Variants in PXDN observed in about 807,000 individuals in gnomAD.
PXDN encodes peroxidasin, also known as peroxidasin homolog.
In PXDN, 77 loss-of-function variants were observed where a neutral mutation model predicts 140.3. That is an observed-to-expected ratio of 0.55 (90% CI 0.46 to 0.66). PXDN has a LOEUF of 0.66. Among genes scored for constraint, PXDN ranks in the 30% least tolerant of loss-of-function variants. The pLI is 0.00. For missense variants in PXDN, 1,838 were observed against 2,039.5 expected (o/e 0.90, Z 1.90); for synonymous variants, 911 against 857.4 (o/e 1.06, Z -1.09).
chr2:1,642,337 C>T (rs1371531948), intron 19 of PXDN, among the ~76,000 whole-genome samples: 3 of 152,196 alleles, frequency 2.0e-5, no homozygotes, highest in African/African-American at 7.2e-5. Context: ...GATTTCAACG[C>T]TTACTAAATT....
Position 1,639,248 on chromosome 2 carries a change from GC to G in PXDN, c.4073+53del, listed in dbSNP as rs1682654479. ...CAGGATGCCGGTCCTACTGCCCGACGCCCGCGGTGCGAGGGCCCCTCTGCAC... is the reference window on the plus strand; with the variant it reads ...CAGGATGCCGGTCCTACTGCCCGACGCCGCGGTGCGAGGGCCCCTCTGCAC... On this transcript the variant is annotated intron_variant, in intron 20 of 22. Transcript: ENST00000252804. The surrounding 1 kb of genome is among the most constrained non-coding windows in gnomAD (Gnocchi z 5.0). 4 of 1,572,596 alleles carry G rather than the reference GC, an allele frequency of 2.5e-6. No individual in the cohort carries two copies. The highest frequency in any genetic ancestry group is 3.5e-6 in the Non-Finnish European group (4 of 1,158,676).
intron 1 of PXDN, 91 bp from the exon 2 acceptor site, chr2:1,693,225 A>C: frequency 9.3e-7 from 1 of 1,077,152 alleles, no homozygotes. Context: ...AATGGTGACA[A>C]TGCATTTAAA....
chr2:1,669,647 C>T (rs1026131944), intron 9 of PXDN: 2 of 152,098 alleles, frequency 1.3e-5, no homozygotes, highest in African/African-American at 4.8e-5. Flanking sequence ...CGAGACCAGC[C>T]TGGCCAACAT....
At chr2:1,720,799 A>G (rs572694468) in intron 1 of PXDN, among the ~76,000 whole-genome samples, 58 of 151,780 alleles carry the variant, frequency 3.8e-4, no homozygotes, top group Non-Finnish European at 6.8e-4. Context: ...ACCCTGACCA[A>G]CCCAGTGTTC....
chr2:1,668,013 A>C (rs1683486526), intron 9 of PXDN, among the ~76,000 whole-genome samples: 1 of 152,362 alleles, frequency 6.6e-6, no homozygotes, highest in East Asian at 1.9e-4. Context: ...AAGCAAAAAG[A>C]ACAAAGCCGG....
At chr2:1,707,410 A>T (rs150265960) in intron 1 of PXDN, among the ~76,000 whole-genome samples, 1,248 of 121,980 alleles carry the variant, frequency 0.01, 20 homozygotes, top group African/African-American at 0.032. Flanking sequence ...CCCCACTAAT[A>T]ATACAAACTG....
chr2:1,715,237 G>A (rs1684867762), intron 1 of PXDN, among the ~76,000 whole-genome samples: 1 of 152,276 alleles, frequency 6.6e-6, no homozygotes, highest in South Asian at 2.1e-4. Context: ...CAAGGACAGT[G>A]GGGTCATGAG....
intron 1 of PXDN, among the ~76,000 whole-genome samples, chr2:1,713,179 C>T (rs962353866): frequency 1.3e-5 from 2 of 152,216 alleles, no homozygotes; most frequent in African/African-American, 4.8e-5. Flanking sequence ...CACCCTCCCA[C>T]CTCTCTCGCG....
chr2:1,699,003 T>C (rs1454701846), intron 1 of PXDN, among the ~76,000 whole-genome samples: 1 of 152,148 alleles, frequency 6.6e-6, no homozygotes, highest in African/African-American at 2.4e-5. Context: ...TCTCAAATCT[T>C]AATGTACTAA....
intron 18 of PXDN, 132 bp from the exon 19 acceptor site, chr2:1,643,708 A>T: frequency 1.2e-6 from 1 of 865,080 alleles, no homozygotes; most frequent in Non-Finnish European, 1.8e-6. Flanking sequence ...GGTGTCACTT[A>T]AAAATGGACT....
intron 1 of PXDN, among the ~76,000 whole-genome samples, chr2:1,705,358 G>A (rs1456948093): frequency 2.6e-5 from 4 of 152,152 alleles, no homozygotes; most frequent in African/African-American, 9.7e-5. Flanking sequence ...GATGCAGGGT[G>A]CGGCTCCCCA....
At chr2:1,677,636 C>T (rs544581453) in intron 7 of PXDN, among the ~76,000 whole-genome samples, 19 of 151,276 alleles carry the variant, frequency 1.3e-4, no homozygotes, top group Admixed American at 1.0e-3. Flanking sequence ...CGAGGGCTGA[C>T]GGCTCCCAGG....
rs1558520620 is a variant in PXDN at position 1,710,641 on chromosome 2, TATGAACA to T, written c.201-17514_201-17508del. ...ACCCACTCTCCACCAGCACCCACTC[TATGAACA>T]CCCACTCTCCACCAGCACCCGCTCT... is the stretch of plus-strand genomic sequence containing the variant. On this transcript the variant is annotated intron_variant, in intron 1 of 22. Coordinates refer to ENST00000252804, the MANE Select transcript of PXDN (RefSeq NM_012293.3). Among the ~76,000 whole-genome samples the T allele has an allele frequency of 4.2e-3, 357 of 85,244 alleles. 4 individuals are homozygous for T. Among genetic ancestry groups the T allele is most frequent in the Non-Finnish European group, 5.7e-3 (240 of 42,108 alleles). The allele number at this position is 85,244 out of a possible 152,430, so 55.9% of individuals were successfully genotyped here.
At chr2:1,647,438 A>G (rs1292575402) in intron 17 of PXDN, among the ~76,000 whole-genome samples, 1 of 152,154 alleles carries the variant, frequency 6.6e-6, no homozygotes, top group East Asian at 1.9e-4. Context: ...TGCTGTGGTC[A>G]CTGCTTTGCC....
intron 1 of PXDN, among the ~76,000 whole-genome samples, chr2:1,732,017 G>GAGACA (rs1685323968): frequency 6.6e-6 from 1 of 152,168 alleles, no homozygotes; most frequent in East Asian, 1.9e-4. Flanking sequence ...AGAATTCAGA[G>GAGACA]ATGTCTGCTT....
chr2:1,692,972 C>A, intron 2 of PXDN, 91 bp downstream of exon 2: 1 of 1,259,806 alleles, frequency 7.9e-7, no homozygotes, highest in South Asian at 1.3e-5. Context: ...CACCCAAGCC[C>A]ACTGATTGTG....
intron 1 of PXDN, among the ~76,000 whole-genome samples, chr2:1,721,715 T>A (rs1489386020): frequency 6.6e-6 from 1 of 152,076 alleles, no homozygotes; most frequent in Non-Finnish European, 1.5e-5. Context: ...TAGTCCCAGC[T>A]ACTTGGGAGA....
rs776973469 is a variant in PXDN at position 1,653,747 on chromosome 2, C to T, written c.1985G>A (p.Arg662Gln). 2.8e-5 allele frequency: 44 copies of T among 1,590,960 alleles called. No homozygotes were observed. The highest frequency in any genetic ancestry group is 8.1e-5 in the African/African-American group (6 of 74,432). The change falls in exon 16 of 23, where the codon CGG (arginine) becomes CAG (glutamine). Residue 662 changes from arginine (R) to glutamine (Q), a missense_variant. Arg to Gln is a conservative substitution (Grantham distance 43). This residue lies in a region of PXDN where 537 missense variants were observed against 583.9 expected (regional missense o/e 0.92). Coordinates refer to ENST00000252804, the MANE Select transcript of PXDN (RefSeq NM_012293.3). ...RSPNDLLALFRYPRDPYTVEQ... is the reference protein window; with the variant it reads ...RSPNDLLALFQYPRDPYTVEQ... ...AACTGTGTAAGGATCCCTCGGATAC[C>T]GGAACAAGGCCAGCAAATCATTTGG...
Position 1,634,281 on chromosome 2 carries a change from T to C in PXDN, c.4363A>G (p.Thr1455Ala). ...GGGATGTTCACGGGGACAGCACAGG[T>C]GGCAGGGGGGCAAGCTTCCACGAAG... is the stretch of plus-strand genomic sequence containing the variant. ...TCFVEACPPATCAVPVNIPGA... is the reference protein window; with the variant it reads ...TCFVEACPPAACAVPVNIPGA... The change falls in exon 23 of 23, where the codon ACC (threonine) becomes GCC (alanine). Residue 1455 changes from threonine to alanine, a missense_variant. By Grantham distance (58) the Thr-to-Ala change is moderately conservative. Coordinates refer to ENST00000252804, the MANE Select transcript of PXDN (RefSeq NM_012293.3). The C allele has an allele frequency of 6.2e-7, 1 of 1,606,912 alleles. No homozygotes were observed. The highest frequency in any genetic ancestry group is 8.5e-7 in the Non-Finnish European group (1 of 1,177,000).
Sources: allele counts gnomAD v4.1 joint callset (sites outside exome capture counted in the v4.1 genomes callset), GRCh38; gene constraint gnomAD v4.1.1; regional missense constraint gnomAD v4.1.1; non-coding constraint Gnocchi (gnomAD v3.1); transcripts MANE v1.5; gene names NCBI Gene and HGNC (gene_info 2026-07-23, HGNC 2026-07-21).